The following ERAP1 variants were observed in gnomAD, a reference collection of about 807,000 sequenced individuals.
ERAP1 encodes endoplasmic reticulum aminopeptidase 1.
A neutral mutation model predicts 103.7 loss-of-function variants in ERAP1; 86 were observed. The observed-to-expected ratio is 0.83, with a 90% CI of 0.70 to 0.99. The LOEUF (loss-of-function observed/expected upper bound fraction) is 0.99, where lower values mean the gene tolerates loss of function less well. Among genes scored for constraint, ERAP1 ranks in the 50% least tolerant of loss-of-function variants. ERAP1 has a pLI of 0.00. For missense variants in ERAP1, 1,009 were observed against 1,128.4 expected, an observed-to-expected ratio of 0.89 and a Z score of 1.52; for synonymous variants, 398 against 402.4, an observed-to-expected ratio of 0.99 and a Z score of 0.13.
At chr5:96,908,733 A>G in the ERAP1 span, among the ~76,000 whole-genome samples, 1 of 152,190 alleles carries the variant, frequency 6.6e-6, no homozygotes, top group Non-Finnish European at 1.5e-5. Flanking sequence ...TATGAGGAAG[A>G]TAGTATTATT....
the ERAP1 span, among the ~76,000 whole-genome samples, chr5:96,828,637 C>T: frequency 1.3e-5 from 2 of 152,018 alleles, no homozygotes; most frequent in African/African-American, 4.8e-5. Context: ...ATTTTCAGGG[C>T]CATTCTTCTG....
At chr5:96,780,753 G>A (rs1349393128) in intron 17 of ERAP1, among the ~76,000 whole-genome samples, 1 of 152,230 alleles carries the variant, frequency 6.6e-6, no homozygotes, top group Admixed American at 6.5e-5. Context: ...GACAAAGACA[G>A]ATGTGAACAA....
chr5:96,798,894 G>A (rs1416201882), intron 3 of ERAP1, among the ~76,000 whole-genome samples: 1 of 91,040 alleles, frequency 1.1e-5, no homozygotes, highest in Non-Finnish European at 2.3e-5. Context: ...TTGAGATGGA[G>A]TCTCACTCTG....
chr5:96,802,184 T>C (rs1240217672), intron 2 of ERAP1, among the ~76,000 whole-genome samples: 1 of 152,124 alleles, frequency 6.6e-6, no homozygotes, highest in Non-Finnish European at 1.5e-5. Flanking sequence ...ACAAAAATGC[T>C]CATCAAAGTG....
Position 96,798,581 on chromosome 5 carries a change from C to CTTTT in ERAP1, c.664-1276_664-1273dup, listed in dbSNP as rs3076631. Among the ~76,000 whole-genome samples the CTTTT allele has an allele frequency of 1.9e-4, 28 of 149,312 alleles. 1 individual carries two copies. The highest frequency in any genetic ancestry group is 3.0e-4 in the Non-Finnish European group (20 of 67,224). ...CTTACCTCTATTGCTCTGACCTCATCTTTTTTTTTTGTTTTGAGAGATAGG... is the reference window on the plus strand; with the variant it reads ...CTTACCTCTATTGCTCTGACCTCATCTTTTTTTTTTTTTTGTTTTGAGAGATAGG... On this transcript the variant is annotated intron_variant, in intron 3 of 18. Transcript: ENST00000443439.
the ERAP1 span, chr5:96,917,400 T>C: frequency 0.39 from 584,104 of 1,482,488 alleles, 118,579 homozygotes; most frequent in Non-Finnish European, 0.42. Flanking sequence ...GGATTACAGG[T>C]GTGAACCACC....
In ERAP1 at chr5:96,803,927, C is replaced by A. The variant is rs1457965154; in HGVS notation, c.-1G>T. ...ACCATTTGAGGGGCAGAAACACCATCTTCTTGCTCTACCTACCTAGCGGCA... is the reference window on the plus strand; with the variant it reads ...ACCATTTGAGGGGCAGAAACACCATATTCTTGCTCTACCTACCTAGCGGCA... On this transcript the variant is annotated 5_prime_UTR_variant, in exon 2 of 19. Transcript: ENST00000443439. The A allele has an allele frequency of 1.6e-5, 26 of 1,604,846 alleles. No individual in the cohort carries two copies. Among genetic ancestry groups the A allele is most frequent in the Non-Finnish European group, 2.2e-5 (26 of 1,179,980 alleles).
At chr5:96,914,232 T>TA in the ERAP1 span, among the ~76,000 whole-genome samples, 1 of 152,128 alleles carries the variant, frequency 6.6e-6, no homozygotes, top group Non-Finnish European at 1.5e-5. Context: ...ATTTATGACT[T>TA]ATATGAAAAT....
chr5:96,864,090 G>A, the ERAP1 span, among the ~76,000 whole-genome samples: 3 of 151,910 alleles, frequency 2.0e-5, no homozygotes, highest in African/African-American at 4.8e-5. Flanking sequence ...ACATTTACAC[G>A]CACACAAGAT....
At chr5:96,909,925 G>C in the ERAP1 span, 1 of 637,034 alleles carries the variant, frequency 1.6e-6, no homozygotes, top group Non-Finnish European at 2.7e-6. Context: ...TAAGTGCTAT[G>C]TATGGAGACT....
intron 19 of ERAP1, among the ~76,000 whole-genome samples, chr5:96,764,371 G>C (rs185887542): frequency 7.2e-5 from 11 of 152,264 alleles, no homozygotes; most frequent in Admixed American, 7.2e-4. Context: ...GAATCATACA[G>C]TAAATAAATG....
At chr5:96,903,742 A>G in the ERAP1 span, among the ~76,000 whole-genome samples, 1 of 152,016 alleles carries the variant, frequency 6.6e-6, no homozygotes, top group African/African-American at 2.4e-5. Context: ...CACAGTGTTT[A>G]TAATTGTAAT....
At chr5:96,847,913 AAAG>A in the ERAP1 span, among the ~76,000 whole-genome samples, 1 of 152,222 alleles carries the variant, frequency 6.6e-6, no homozygotes. Flanking sequence ...CAAACTAGAA[AAAG>A]AAGAACAAAT....
At chr5:96,801,101 G>T in intron 2 of ERAP1, 101 bp from the exon 3 acceptor site, 1 of 1,326,674 alleles carries the variant, frequency 7.5e-7, no homozygotes. Flanking sequence ...AAGATTGATG[G>T]ATTTTGCTAC....
In ERAP1 at chr5:96,774,939, T is replaced by TTATC; in HGVS notation, c.*1453_*1456dup. ...CGTACCAATCATCAATCATATTCCCTTATCTTGAAGTTTTTGCCTTATATT... is the reference window on the plus strand; with the variant it reads ...CGTACCAATCATCAATCATATTCCCTTATCTATCTTGAAGTTTTTGCCTTATATT... On this transcript the variant is annotated 3_prime_UTR_variant, in exon 19 of 19. Transcript: ENST00000443439. The TTATC allele has an allele frequency of 1.0e-6, 1 of 984,760 alleles. No individual in the cohort carries two copies. The highest frequency in any genetic ancestry group is 1.1e-4 in the East Asian group (1 of 8,950). The allele number at this position is 984,760 out of a possible 1,614,324, so 61.0% of individuals were successfully genotyped here.
the ERAP1 span, among the ~76,000 whole-genome samples, chr5:96,846,962 C>T: frequency 6.8e-5 from 10 of 147,792 alleles, no homozygotes; most frequent in Admixed American, 5.4e-4. Context: ...AGTACAGGGC[C>T]GGGTGCGGTG....
At chr5:96,780,959 T>G in intron 17 of ERAP1, 99 bp downstream of exon 17, 2 of 1,404,700 alleles carry the variant, frequency 1.4e-6, no homozygotes, top group East Asian at 4.7e-5. Context: ...AATCAAAAAG[T>G]ACCTTTAGAC....
the ERAP1 span, among the ~76,000 whole-genome samples, chr5:96,814,574 A>G: frequency 6.6e-6 from 1 of 152,200 alleles, no homozygotes; most frequent in African/African-American, 2.4e-5. Flanking sequence ...CATTGAGCTG[A>G]AAATAGGAAT....
the ERAP1 span, chr5:96,913,261 A>G: frequency 7.1e-7 from 1 of 1,408,286 alleles, no homozygotes; most frequent in Non-Finnish European, 9.8e-7. Context: ...GGCTTGAGTT[A>G]ATGTCCATGT....
Sources: allele counts gnomAD v4.1 joint callset (sites outside exome capture counted in the v4.1 genomes callset), GRCh38; gene constraint gnomAD v4.1.1; transcripts MANE v1.5; gene names NCBI Gene and HGNC (gene_info 2026-07-23, HGNC 2026-07-21).